EML1: variants seen among roughly 807,000 people sequenced by gnomAD.
EML1 encodes the protein echinoderm microtubule-associated protein-like 1.
EML1 carries 27 observed loss-of-function variants against 110.4 expected under a neutral mutation model. The observed-to-expected ratio is 0.24, with a 90% CI of 0.18 to 0.34. EML1 has a LOEUF of 0.34. Ranked by LOEUF, EML1 falls within the 10% of genes least tolerant of loss-of-function variation. EML1 has a pLI of 1.00. For missense variants in EML1, 741 were observed against 1,030.9 expected (o/e 0.72, Z 3.85); for synonymous variants, 344 against 385.8 (o/e 0.89, Z 1.27).
chr14:99,934,726 A>G (rs1435798756), intron 17 of EML1, among the ~76,000 whole-genome samples: 1 of 152,108 alleles, frequency 6.6e-6, no homozygotes, highest in Non-Finnish European at 1.5e-5. Flanking sequence ...CCAGGTTTCC[A>G]GTCCTTCTTT....
chr14:99,756,157 C>G (rs1441101907), intron 1 of EML1, among the ~76,000 whole-genome samples: 1 of 152,218 alleles, frequency 6.6e-6, no homozygotes, highest in African/African-American at 2.4e-5. Flanking sequence ...TCTCCAAGGT[C>G]AGCAAGTGCT....
chr14:99,867,115 T>C (rs1251983207), intron 3 of EML1, among the ~76,000 whole-genome samples: 1 of 152,190 alleles, frequency 6.6e-6, no homozygotes, highest in African/African-American at 2.4e-5. Flanking sequence ...CCAGTGTCTC[T>C]TATCCCCATC....
intron 1 of EML1, among the ~76,000 whole-genome samples, chr14:99,798,392 C>CT (rs374969316): frequency 0.28 from 36,687 of 130,940 alleles, 5,886 homozygotes; most frequent in East Asian, 0.42. Flanking sequence ...AAAGTCTATA[C>CT]TTTTTTTTTT....
At chr14:99,926,906 G>A (rs1366707239) in intron 17 of EML1, among the ~76,000 whole-genome samples, 5 of 152,162 alleles carry the variant, frequency 3.3e-5, no homozygotes, top group Middle Eastern at 3.4e-3. Context: ...ACCATACCTG[G>A]CTAATTTTTT....
chr14:99,891,308 T>C, intron 5 of EML1, 81 bp downstream of exon 5: 2 of 1,569,730 alleles, frequency 1.3e-6, no homozygotes, highest in Non-Finnish European at 1.7e-6. Context: ...GTAGCCAGCT[T>C]CAGGGGCCAG....
chr14:99,750,090 G>A (rs2057158423), intron 1 of EML1, among the ~76,000 whole-genome samples: 1 of 152,330 alleles, frequency 6.6e-6, no homozygotes, highest in South Asian at 2.1e-4. Context: ...CGATTGTGTG[G>A]CCGTCACCTG....
At chr14:99,757,383 A>G (rs1434462726) in intron 1 of EML1, among the ~76,000 whole-genome samples, 2 of 152,098 alleles carry the variant, frequency 1.3e-5, no homozygotes, top group South Asian at 2.1e-4. Context: ...AGACTGTGGC[A>G]GCAGAGCCCC....
rs767471183 is a variant in EML1, at chr14:99,914,182, C to T, written c.1498C>T (p.Pro500Ser). The T allele has an allele frequency of 6.2e-7, 1 of 1,605,962 alleles. No individual in the cohort carries two copies. Among genetic ancestry groups the T allele is most frequent in the Non-Finnish European group, 8.5e-7 (1 of 1,173,486 alleles). The change falls in exon 14 of 22, where the codon CCA becomes TCA. Residue 500 changes from proline (P) to serine (S), a missense_variant. Around this residue, in one of 4 missense-constraint regions of EML1, gnomAD observed 388 missense variants for 605.6 expected, o/e 0.64. Transcript: ENST00000262233. ...NYQKLRKTEI[P>S]EQFGPIRTVA... ...TTCATATGACTTTTCAATGCAGATT[C>T]CAGAACAGTTTGGTCCAATACGGAC...
intron 1 of EML1, among the ~76,000 whole-genome samples, chr14:99,747,114 G>A (rs1343365179): frequency 6.6e-6 from 1 of 150,828 alleles, no homozygotes; most frequent in East Asian, 2.0e-4. Context: ...CGTGAACCCA[G>A]GAGGTGGAGC....
intron 2 of EML1, among the ~76,000 whole-genome samples, chr14:99,864,676 G>C (rs1016601124): frequency 3.9e-5 from 6 of 152,070 alleles, no homozygotes; most frequent in Non-Finnish European, 5.9e-5. Context: ...GCTGGGCATG[G>C]TAGCCAGCAC....
chr14:99,751,793 C>T (rs1224386520), intron 1 of EML1, among the ~76,000 whole-genome samples: 2 of 152,048 alleles, frequency 1.3e-5, no homozygotes, highest in Non-Finnish European at 2.9e-5. Flanking sequence ...ACCCCAGAAC[C>T]GGGGCGGAAG....
chr14:99,818,965 T>A (rs2058216060), intron 1 of EML1, among the ~76,000 whole-genome samples: 1 of 151,972 alleles, frequency 6.6e-6, no homozygotes, highest in Non-Finnish European at 1.5e-5. Context: ...TTTTATTTAG[T>A]TTTTTAGAGA....
At chr14:99,893,504 T>C (rs2059622687) in intron 5 of EML1, among the ~76,000 whole-genome samples, 1 of 152,166 alleles carries the variant, frequency 6.6e-6, no homozygotes, top group African/African-American at 2.4e-5. Flanking sequence ...GTCACGTGCA[T>C]GCATTTAAGA....
At chr14:99,821,753 TG>T (rs2058267029) in intron 1 of EML1, among the ~76,000 whole-genome samples, 1 of 152,204 alleles carries the variant, frequency 6.6e-6, no homozygotes, top group Admixed American at 6.5e-5. Context: ...GTCTGTGCCA[TG>T]TGACAACACA....
rs540255474 is a variant in EML1 at position 99,907,804 on chromosome 14, C to A, written c.1104+71C>A. On this transcript the variant is annotated intron_variant, in intron 10 of 21. Coordinates refer to ENST00000262233, the MANE Select transcript of EML1 (RefSeq NM_004434.3). ...CAGAGCCGCCCTGGCATAGTGGTAG[C>A]CCCCTTTCAGCGGGCTCATTCCCAC... 4 of 1,483,692 alleles carry A rather than the reference C, an allele frequency of 2.7e-6. No homozygotes were observed. In the African/African-American group the frequency reaches 4.2e-5, roughly 15 times the overall value. 91.9% of individuals were successfully genotyped at this position (1,483,692 alleles called of 1,614,324 possible).
rs2058385104 is a variant in EML1 at position 99,827,804 on chromosome 14, A to G, written c.68-23049A>G. On this transcript the variant is annotated intron_variant, in intron 1 of 21. Transcript: ENST00000262233. This position sits in a 1 kb window ranked among gnomAD's most constrained non-coding sequence, Gnocchi z 4.4. Reference sequence around the variant, plus strand: ...GGATTGTTTAAGCCCCCCAGTCTGTAGTACTTTGTTATGGCAGCCCTAGCA... The same window carrying G: ...GGATTGTTTAAGCCCCCCAGTCTGTGGTACTTTGTTATGGCAGCCCTAGCA... Among the ~76,000 whole-genome samples the G allele has an allele frequency of 6.6e-6, 1 of 152,146 alleles. No individual in the cohort carries two copies. The highest frequency in any genetic ancestry group is 2.4e-5 in the African/African-American group (1 of 41,444).
intron 1 of EML1, among the ~76,000 whole-genome samples, chr14:99,780,908 A>T (rs1595271826): frequency 6.6e-6 from 1 of 152,170 alleles, no homozygotes; most frequent in East Asian, 1.9e-4. Context: ...TCGCACAATG[A>T]TGAAATTGCC....
chr14:99,828,127 G>T (rs2058391129), intron 1 of EML1, among the ~76,000 whole-genome samples: 1 of 152,140 alleles, frequency 6.6e-6, no homozygotes, highest in East Asian at 1.9e-4. Flanking sequence ...ACAGATGCTT[G>T]TTAGCTCTTT....
At chr14:99,746,327 G>A (rs1251574538) in intron 1 of EML1, among the ~76,000 whole-genome samples, 1 of 152,126 alleles carries the variant, frequency 6.6e-6, no homozygotes, top group Non-Finnish European at 1.5e-5. Flanking sequence ...TGGGGGAAGG[G>A]CCTTTATCAG....
Sources: allele counts gnomAD v4.1 joint callset (sites outside exome capture counted in the v4.1 genomes callset), GRCh38; gene constraint gnomAD v4.1.1; regional missense constraint gnomAD v4.1.1; non-coding constraint Gnocchi (gnomAD v3.1); transcripts MANE v1.5; gene names NCBI Gene and HGNC (gene_info 2026-07-23, HGNC 2026-07-21).